The following PKP2 variants were observed in gnomAD, a reference collection of about 807,000 sequenced individuals.
PKP2 encodes plakophilin-2.
In PKP2, 73 loss-of-function variants were observed where a neutral mutation model predicts 83.4. The observed-to-expected ratio is 0.88, with a 90% confidence interval of 0.72 to 1.06. The LOEUF is 1.06. Ranked by LOEUF, PKP2 falls within the 50% of genes least tolerant of loss-of-function variation. The probability of loss-of-function intolerance (pLI) is 0.00; values close to 1 mark genes in which losing one functional copy is unlikely to be tolerated. For synonymous variants in PKP2, 409 were observed against 430.4 expected, an observed-to-expected ratio of 0.95 and a Z score of 0.62; for missense variants, 966 against 1,065.4, an observed-to-expected ratio of 0.91 and a Z score of 1.30.
intron 10 of PKP2, among the ~76,000 whole-genome samples, chr12:32,801,820 T>G (rs1592729222): frequency 6.6e-6 from 1 of 152,204 alleles, no homozygotes; most frequent in African/African-American, 2.4e-5. Context: ...ATCATCTCTG[T>G]CAATAATACA....
At chr12:32,893,832 C>T (rs1196012086) in intron 1 of PKP2, 1 of 151,996 alleles carries the variant, frequency 6.6e-6, no homozygotes, top group Non-Finnish European at 1.5e-5. Flanking sequence ...CAGTCACCTC[C>T]CTATGTCCAG....
In PKP2 at chr12:32,878,548, A is replaced by C. The variant is rs2137951361; in HGVS notation, c.337-5T>G. 5.0e-6 allele frequency: 8 copies of C among 1,609,538 alleles called. No homozygotes were observed. The highest frequency in any genetic ancestry group is 6.8e-6 in the Non-Finnish European group (8 of 1,177,574). On this transcript the variant is annotated splice_region_variant and splice_polypyrimidine_tract_variant and intron_variant, in intron 2 of 12. Coordinates refer to ENST00000340811, the MANE Select transcript of PKP2 (RefSeq NM_001005242.3). ...ATAAGTGGCAGTTGTGCCAGCCTGC[A>C]CATGAGAGAAATAAAGTTTAAAGGG...
intron 1 of PKP2, among the ~76,000 whole-genome samples, chr12:32,891,128 G>A (rs533327853): frequency 1.3e-5 from 2 of 152,190 alleles, no homozygotes; most frequent in African/African-American, 4.8e-5. Flanking sequence ...CACTTGCATT[G>A]CTGCCTTTTA....
chr12:32,803,996 T>C (rs1289718061), intron 9 of PKP2, among the ~76,000 whole-genome samples: 1 of 151,602 alleles, frequency 6.6e-6, no homozygotes, highest in Admixed American at 6.6e-5. Flanking sequence ...GTTAAAAATA[T>C]GATATGCCAT....
chr12:32,890,043 T>G (rs1454754705), intron 1 of PKP2, among the ~76,000 whole-genome samples: 3 of 117,840 alleles, frequency 2.5e-5, no homozygotes, highest in Non-Finnish European at 4.8e-5. Flanking sequence ...GCCACCGCAC[T>G]CCAGCCTGGG....
At chr12:32,869,677 C>A (rs2137922169) in intron 3 of PKP2, among the ~76,000 whole-genome samples, 1 of 151,236 alleles carries the variant, frequency 6.6e-6, no homozygotes, top group Middle Eastern at 3.4e-3. Flanking sequence ...TTTAAAGGCA[C>A]AATAAGACTT....
intron 1 of PKP2, among the ~76,000 whole-genome samples, chr12:32,891,015 G>C (rs945880642): frequency 6.6e-6 from 1 of 151,658 alleles, no homozygotes; most frequent in Non-Finnish European, 1.5e-5. Flanking sequence ...TATTATGAGA[G>C]CACTTGATAG....
intron 3 of PKP2, among the ~76,000 whole-genome samples, chr12:32,870,030 A>AAAAC (rs1342894139): frequency 6.6e-6 from 1 of 152,226 alleles, no homozygotes; most frequent in African/African-American, 2.4e-5. Flanking sequence ...CTCTGTTTCA[A>AAAAC]AAACAAACAA....
At chr12:32,810,675 AT>A (rs1222143443) in intron 9 of PKP2, among the ~76,000 whole-genome samples, 580 of 28,752 alleles carry the variant, frequency 0.02, 16 homozygotes, top group African/African-American at 0.043. Context: ...TAGAATAAAC[AT>A]TTTTTTTTTT....
intron 4 of PKP2, among the ~76,000 whole-genome samples, chr12:32,854,842 T>C (rs1439327841): frequency 6.6e-6 from 1 of 152,226 alleles, no homozygotes; most frequent in Non-Finnish European, 1.5e-5. Flanking sequence ...CAAATAAGCA[T>C]AGGGAACACA....
chr12:32,809,835 G>A (rs1347465105), intron 9 of PKP2, among the ~76,000 whole-genome samples: 4 of 152,160 alleles, frequency 2.6e-5, no homozygotes, highest in Non-Finnish European at 5.9e-5. Context: ...CTTTGGCTCC[G>A]TGAGGCTCCT....
chr12:32,818,843 A>C (rs1490935184), intron 9 of PKP2, among the ~76,000 whole-genome samples: 1 of 152,174 alleles, frequency 6.6e-6, no homozygotes, highest in African/African-American at 2.4e-5. Context: ...CCTAATTTTC[A>C]TGTTTTCCTA....
rs566261178 is a variant in PKP2, at chr12:32,804,386, T to C, written c.2014-1830A>G. Among the ~76,000 whole-genome samples the C allele has an allele frequency of 2.0e-5, 3 of 152,308 alleles. No individual in the cohort carries two copies. In the South Asian group the frequency reaches 6.2e-4, roughly 32 times the overall value. On this transcript the variant is annotated intron_variant, in intron 9 of 12. Transcript: ENST00000340811. Reference sequence around the variant, plus strand: ...GTTAATGTGTACCATGGTGGTTTGCTGCACAGATCATCCAATCACCTAGGT... The same window carrying C: ...GTTAATGTGTACCATGGTGGTTTGCCGCACAGATCATCCAATCACCTAGGT...
intron 5 of PKP2, chr12:32,843,377 T>C (rs1330065752): frequency 1.6e-6 from 2 of 1,265,088 alleles, no homozygotes; most frequent in East Asian, 9.3e-5. Flanking sequence ...ACAGCAAATG[T>C]GGCAGACTTG....
chr12:32,865,509 C>T (rs138331404), intron 4 of PKP2, among the ~76,000 whole-genome samples: 1,541 of 151,020 alleles, frequency 0.01, 8 homozygotes, highest in Non-Finnish European at 0.018. Flanking sequence ...GATGAAACCT[C>T]GACTCCACTA....
chr12:32,805,932 C>T (rs1956221366), intron 9 of PKP2, among the ~76,000 whole-genome samples: 1 of 152,066 alleles, frequency 6.6e-6, no homozygotes, highest in African/African-American at 2.4e-5. Context: ...GAAGCGATGT[C>T]GAATTTTATC....
At chr12:32,828,221 G>T (rs868811222) in intron 6 of PKP2, among the ~76,000 whole-genome samples, 15 of 152,254 alleles carry the variant, frequency 9.9e-5, no homozygotes, top group Middle Eastern at 6.8e-3. Context: ...TATTTAGGGG[G>T]ATTCAGGTGT....
intron 6 of PKP2, among the ~76,000 whole-genome samples, chr12:32,835,281 C>T (rs1006129432): frequency 2.0e-5 from 3 of 152,030 alleles, no homozygotes. Context: ...TCTTGAACTC[C>T]TGACTTTGTG....
chr12:32,834,304 C>G (rs1399177909), intron 6 of PKP2, among the ~76,000 whole-genome samples: 1 of 152,142 alleles, frequency 6.6e-6, no homozygotes, highest in African/African-American at 2.4e-5. Flanking sequence ...TCAACAAGTA[C>G]TCAAGGAATA....
Sources: allele counts gnomAD v4.1 joint callset (sites outside exome capture counted in the v4.1 genomes callset), GRCh38; gene constraint gnomAD v4.1.1; transcripts MANE v1.5; gene names NCBI Gene and HGNC (gene_info 2026-07-23, HGNC 2026-07-21).